NCOA2: variants seen among roughly 807,000 people sequenced by gnomAD.
NCOA2 encodes nuclear receptor coactivator 2.
In NCOA2, 21 loss-of-function variants were observed where a neutral mutation model predicts 145.1. The observed-to-expected ratio is 0.14, with a 90% confidence interval of 0.10 to 0.21. The LOEUF is 0.21. NCOA2 is among the 10% of genes least tolerant of loss of function. The pLI is 1.00. For synonymous variants in NCOA2, 619 were observed against 637.5 expected, an observed-to-expected ratio of 0.97 and a Z score of 0.44; for missense variants, 1,472 against 1,837.6, an observed-to-expected ratio of 0.80 and a Z score of 3.64.
At position 70,112,010 on chromosome 8, in the gene NCOA2, T is replaced by C. The variant is rs1182868150; in HGVS notation, c.*1622A>G. 1 of 216,728 alleles carries C rather than the reference T, an allele frequency of 4.6e-6. No homozygotes were observed. The highest frequency in any genetic ancestry group is 9.3e-6 in the Non-Finnish European group (1 of 107,362). 13.4% of individuals were successfully genotyped at this position (216,728 alleles called of 1,614,324 possible). ...ACTGACACCTATTAATAAAAGATTT[T>C]TCCCCTACCAGAGTGGGCAAGAAAA... On this transcript the variant is annotated 3_prime_UTR_variant, in exon 23 of 23. Coordinates refer to ENST00000452400, the MANE Select transcript of NCOA2 (RefSeq NM_006540.4).
intron 10 of NCOA2, among the ~76,000 whole-genome samples, chr8:70,159,243 T>TATATATATATATATATGTATATATATA (rs869045939): frequency 1.2e-5 from 1 of 82,084 alleles, no homozygotes; most frequent in African/African-American, 5.0e-5. Context: ...TATATATATA[T>TATATATATATATATATGTATATATATA]TTTTTTTTTT....
At chr8:70,237,291 G>C (rs1229784384) in intron 2 of NCOA2, among the ~76,000 whole-genome samples, 4 of 152,140 alleles carry the variant, frequency 2.6e-5, no homozygotes, top group Non-Finnish European at 4.4e-5. Flanking sequence ...AGCAGGATTT[G>C]AACCCGCGCT....
At chr8:70,232,296 T>C (rs1163764605) in intron 2 of NCOA2, among the ~76,000 whole-genome samples, 3 of 152,080 alleles carry the variant, frequency 2.0e-5, no homozygotes, top group Non-Finnish European at 4.4e-5. Context: ...AAAACTTCAT[T>C]CCCAAGTCTT....
intron 1 of NCOA2, among the ~76,000 whole-genome samples, chr8:70,394,991 T>C (rs138319009): frequency 8.5e-4 from 129 of 152,320 alleles, no homozygotes; most frequent in Non-Finnish European, 1.5e-3. Flanking sequence ...TAAGTGTTTT[T>C]GGCAGAGTAA....
At chr8:70,227,488 C>T (rs1465013217) in intron 2 of NCOA2, among the ~76,000 whole-genome samples, 3 of 152,040 alleles carry the variant, frequency 2.0e-5, no homozygotes, top group Non-Finnish European at 2.9e-5. Context: ...TGTTTTCCAC[C>T]ACACTTCTAC....
intron 2 of NCOA2, among the ~76,000 whole-genome samples, chr8:70,271,636 G>A (rs2135300189): frequency 6.6e-6 from 1 of 152,276 alleles, no homozygotes; most frequent in Admixed American, 6.5e-5. Context: ...AACATCAAAT[G>A]TACAATGAGA....
At chr8:70,320,888 A>G (rs1488405692) in intron 1 of NCOA2, among the ~76,000 whole-genome samples, 1 of 152,178 alleles carries the variant, frequency 6.6e-6, no homozygotes, top group Non-Finnish European at 1.5e-5. Flanking sequence ...GTTATGAGTT[A>G]TCTCTATTAA....
chr8:70,305,786 T>A lies in NCOA2; in HGVS notation c.-76-8986A>T, dbSNP rs568118285. 1.3e-4 allele frequency among the ~76,000 whole-genome samples: 20 copies of A among 152,336 alleles called. No individual in the cohort carries two copies. The East Asian group carries it at 3.9e-3, about 29-fold the overall frequency. ...TAATTATGTATTATGCGATTAAGTA[T>A]GTCAATATTTTACAGAGTTGTAGAA... On this transcript the variant is annotated intron_variant, in intron 1 of 22. Coordinates refer to ENST00000452400, the MANE Select transcript of NCOA2 (RefSeq NM_006540.4).
intron 2 of NCOA2, among the ~76,000 whole-genome samples, chr8:70,248,837 G>A (rs1169651064): frequency 6.6e-6 from 1 of 150,922 alleles, no homozygotes; most frequent in Non-Finnish European, 1.5e-5. Flanking sequence ...CTAGTGTGCA[G>A]AACCCACCAA....
chr8:70,399,932 T>C (rs145634715), intron 1 of NCOA2, among the ~76,000 whole-genome samples: 3 of 152,382 alleles, frequency 2.0e-5, no homozygotes, highest in South Asian at 2.1e-4. Flanking sequence ...GCTACGGTAC[T>C]GAATCCTTAA....
chr8:70,141,893 G>A lies in NCOA2; in HGVS notation c.2813-494C>T, dbSNP rs117436737. On this transcript the variant is annotated intron_variant, in intron 13 of 22. Coordinates refer to ENST00000452400, the MANE Select transcript of NCOA2 (RefSeq NM_006540.4). ...CAGGGTATACTTCAAAACTGACCAA[G>A]AGTAGCCTCTAAGCAATGGAGAACT... Among the ~76,000 whole-genome samples, 147 of 152,294 alleles carry A rather than the reference G, an allele frequency of 9.7e-4. 2 individuals carry two copies. The East Asian group carries it at 0.024, about 25-fold the overall frequency.
At chr8:70,147,420 AT>A (rs1265248072) in intron 12 of NCOA2, among the ~76,000 whole-genome samples, 1 of 152,224 alleles carries the variant, frequency 6.6e-6, no homozygotes, top group Non-Finnish European at 1.5e-5. Flanking sequence ...CTGAGAACAA[AT>A]GCCAGGTATT....
the NCOA2 span, among the ~76,000 whole-genome samples, chr8:70,435,424 CAAAAAAAAAAAAA>C: frequency 9.9e-5 from 2 of 20,150 alleles, no homozygotes; most frequent in African/African-American, 4.3e-4. Context: ...GACTCCGTCT[CAAAAAAAAAAAAA>C]AAAAAAAAAA....
intron 2 of NCOA2, among the ~76,000 whole-genome samples, chr8:70,237,604 G>GA (rs1821746133): frequency 6.6e-6 from 1 of 150,936 alleles, no homozygotes. Context: ...ATCTACAAAA[G>GA]AAAAAAAATA....
intron 4 of NCOA2, among the ~76,000 whole-genome samples, chr8:70,211,298 A>T (rs1010160051): frequency 2.0e-5 from 3 of 152,044 alleles, no homozygotes; most frequent in African/African-American, 7.2e-5. Context: ...TTCTCTATTA[A>T]AAATACAAAA....
chr8:70,128,593 C>A, intron 17 of NCOA2, 83 bp from the exon 18 acceptor site: 1 of 1,590,184 alleles, frequency 6.3e-7, no homozygotes, highest in Non-Finnish European at 8.6e-7. Context: ...TAACTGCCCT[C>A]CCCAACCCAG....
intron 2 of NCOA2, among the ~76,000 whole-genome samples, chr8:70,263,708 G>A (rs1323838631): frequency 4.6e-5 from 7 of 151,118 alleles, no homozygotes; most frequent in African/African-American, 1.5e-4. Context: ...CAGCCTGGGC[G>A]GCAGAGTGAG....
intron 1 of NCOA2, among the ~76,000 whole-genome samples, chr8:70,301,846 CCAGA>C (rs1218185784): frequency 1.3e-5 from 2 of 151,736 alleles, no homozygotes; most frequent in African/African-American, 4.8e-5. Flanking sequence ...ATCAAGCCAG[CCAGA>C]CAGACTGGCA....
At chr8:70,273,059 G>T (rs1274581513) in intron 2 of NCOA2, among the ~76,000 whole-genome samples, 1 of 152,026 alleles carries the variant, frequency 6.6e-6, no homozygotes, top group Non-Finnish European at 1.5e-5. Flanking sequence ...TCTGTGAATT[G>T]ATTTAATGAT....
Sources: gnomAD v4.1 joint callset for allele counts (sites outside exome capture counted in the v4.1 genomes callset) on GRCh38, gnomAD v4.1.1 for gene constraint, MANE v1.5 for transcripts, NCBI Gene and HGNC (gene_info 2026-07-23, HGNC 2026-07-21) for gene names.